The following RHOBTB1 variants were observed in gnomAD, a reference collection of about 807,000 sequenced individuals.
RHOBTB1 encodes the protein rho-related BTB domain-containing protein 1.
RHOBTB1 carries 40 observed loss-of-function variants against 71.6 expected under a neutral mutation model. That is an observed-to-expected ratio of 0.56 (90% CI 0.43 to 0.73). The LOEUF (loss-of-function observed/expected upper bound fraction) is 0.73. Ranked by LOEUF, RHOBTB1 falls within the 30% of genes least tolerant of loss-of-function variation. The pLI is 0.00. For synonymous variants in RHOBTB1, 319 were observed against 334.9 expected, an observed-to-expected ratio of 0.95 and a Z score of 0.52; for missense variants, 797 against 894.0, an observed-to-expected ratio of 0.89 and a Z score of 1.38.
At chr10:60,886,007 C>A in intron 7 of RHOBTB1, 105 bp downstream of exon 7, 1 of 798,920 alleles carries the variant, frequency 1.3e-6, no homozygotes, top group Non-Finnish European at 2.2e-6. Context: ...ACTCATGGAG[C>A]CAGTTTAAGG....
chr10:60,864,443 G>A (rs189582891), downstream of RHOBTB1, among the ~76,000 whole-genome samples: 144 of 152,160 alleles, frequency 9.5e-4, no homozygotes, highest in African/African-American at 3.4e-3. Flanking sequence ...TGAATAAAAC[G>A]GAAACATTTG....
At chr10:60,963,681 G>C (rs1033829971) in intron 2 of RHOBTB1, among the ~76,000 whole-genome samples, 2 of 152,078 alleles carry the variant, frequency 1.3e-5, no homozygotes, top group African/African-American at 2.4e-5. Context: ...TTTGTAAAAG[G>C]AGTAATGGTT....
intron 2 of RHOBTB1, among the ~76,000 whole-genome samples, chr10:60,977,541 G>T (rs566553152): frequency 3.9e-5 from 6 of 152,172 alleles, no homozygotes; most frequent in African/African-American, 1.4e-4. Flanking sequence ...CAAATGATAA[G>T]ATTTGTTTAC....
intron 2 of RHOBTB1, among the ~76,000 whole-genome samples, chr10:60,932,337 C>G (rs1208048183): frequency 6.6e-6 from 1 of 151,822 alleles, no homozygotes; most frequent in Non-Finnish European, 1.5e-5. Flanking sequence ...TGAGGTGTTT[C>G]AAACACACTG....
chr10:60,915,213 C>T (rs578127178), intron 2 of RHOBTB1, among the ~76,000 whole-genome samples: 1 of 152,300 alleles, frequency 6.6e-6, no homozygotes, highest in Admixed American at 6.5e-5. Flanking sequence ...TCCTTCTCCG[C>T]TTGTTATAGG....
chr10:60,864,124 C>A, the RHOBTB1 span, among the ~76,000 whole-genome samples: 1 of 152,160 alleles, frequency 6.6e-6, no homozygotes, highest in Non-Finnish European at 1.5e-5. Context: ...CCTGGCTTGG[C>A]TTCTCACCCT....
chr10:60,903,025 T>C (rs2393707), intron 4 of RHOBTB1, among the ~76,000 whole-genome samples: 1 of 152,120 alleles, frequency 6.6e-6, no homozygotes, highest in Non-Finnish European at 1.5e-5. Context: ...CGCAATACAG[T>C]TATTGCTACG....
chr10:60,875,031 C>G lies in RHOBTB1; in HGVS notation c.1738G>C (p.Val580Leu). 3 of 1,613,858 alleles carry G rather than the reference C, an allele frequency of 1.9e-6. No individual in the cohort carries two copies. Among genetic ancestry groups the G allele is most frequent in the Non-Finnish European group, 2.5e-6 (3 of 1,179,756 alleles). ...HLVALAEQHA[V>L]QELTKAATSG... is the part of the protein sequence containing the mutation. ...GTGGCGGCTTTGGTCAACTCCTGAA[C>G]GGCATGCTGTTCTGGGGAAGAGAGA... The change falls in exon 9 of 11, where the codon GTT (valine) becomes CTT (leucine). Residue 580 changes from valine (V) to leucine (L), a missense_variant. This residue lies in a region of RHOBTB1 where 658 missense variants were observed against 681.5 expected (regional missense o/e 0.97). Transcript: ENST00000337910.
At chr10:60,890,765 A>G (rs1439011107) in intron 5 of RHOBTB1, among the ~76,000 whole-genome samples, 2 of 152,248 alleles carry the variant, frequency 1.3e-5, no homozygotes, top group Admixed American at 1.3e-4. Context: ...GGAAAATTAT[A>G]GGGTGTTGAC....
At position 60,986,728 on chromosome 10, in the gene RHOBTB1, G is replaced by T. The variant is rs576942448; in HGVS notation, c.-162-783C>A. On this transcript the variant is annotated intron_variant, in intron 1 of 11. Transcript: ENST00000357917. ...TGACTACCTAATATAAAAACTGAAG[G>T]GCAAAACAGTACTTTTGCTTGGAGG... Among the ~76,000 whole-genome samples, 113 of 151,824 alleles carry T rather than the reference G, an allele frequency of 7.4e-4. 2 individuals carry two copies. The South Asian group carries it at 0.022, about 30-fold the overall frequency.
intron 2 of RHOBTB1, among the ~76,000 whole-genome samples, chr10:60,953,128 A>G (rs1007658270): frequency 2.6e-5 from 4 of 152,220 alleles, no homozygotes. Context: ...GCCCATTTCA[A>G]CAGATGGAGT....
intron 6 of RHOBTB1, among the ~76,000 whole-genome samples, chr10:60,886,763 GC>G (rs2081603885): frequency 6.6e-6 from 1 of 151,280 alleles, no homozygotes; most frequent in Non-Finnish European, 1.5e-5. Context: ...GATTTAAACT[GC>G]CGGGTTCCAG....
rs146921892 is a variant in RHOBTB1, at chr10:60,995,031, T to C, written c.-163+6368A>G. On this transcript the variant is annotated intron_variant, in intron 1 of 11. Transcript: ENST00000357917. ...ACATTGTACTCCATGGCTTGGAAAA[T>C]GGTTTAAACAACCCTGGCTGCGTAC... is the stretch of plus-strand genomic sequence containing the variant. 6.6e-3 allele frequency among the ~76,000 whole-genome samples: 999 copies of C among 151,992 alleles called. 12 individuals carry two copies. The highest frequency in any genetic ancestry group is 0.023 in the African/African-American group (943 of 41,494).
At chr10:60,992,341 A>G (rs1219579867) in intron 1 of RHOBTB1, among the ~76,000 whole-genome samples, 1 of 152,150 alleles carries the variant, frequency 6.6e-6, no homozygotes, top group East Asian at 1.9e-4. Flanking sequence ...TGAAGGTAGT[A>G]TTTTCCAATC....
Position 60,886,721 on chromosome 10 carries a change from G to T in RHOBTB1, c.1457-491C>A, listed in dbSNP as rs572873147. Among the ~76,000 whole-genome samples, 50 of 141,598 alleles carry T rather than the reference G, an allele frequency of 3.5e-4. No homozygotes were observed. The South Asian group carries it at 8.2e-3, about 23-fold the overall frequency. 92.9% of individuals were successfully genotyped at this position (141,598 alleles called of 152,430 possible). A position where few individuals can be genotyped will look rare whatever the true frequency, so the allele number is the denominator to read the frequency against. ...TACTGTTTTTTTTAAGAGATGTGGGGGGGGGTGGGTCTGGCTATGTTGTCC... is the reference window on the plus strand; with the variant it reads ...TACTGTTTTTTTTAAGAGATGTGGGTGGGGGTGGGTCTGGCTATGTTGTCC... On this transcript the variant is annotated intron_variant, in intron 6 of 10. Coordinates refer to ENST00000337910, the MANE Select transcript of RHOBTB1 (RefSeq NM_014836.5).
At chr10:60,896,096 G>A (rs78163559) in intron 4 of RHOBTB1, among the ~76,000 whole-genome samples, 9,634 of 152,236 alleles carry the variant, frequency 0.063, 396 homozygotes, top group African/African-American at 0.099. Flanking sequence ...CACAAGACCT[G>A]CAGCTAAGAA....
At chr10:60,881,452 C>T (rs2081325247) in intron 7 of RHOBTB1, among the ~76,000 whole-genome samples, 1 of 152,174 alleles carries the variant, frequency 6.6e-6, no homozygotes, top group South Asian at 2.1e-4. Flanking sequence ...AGTCCCAGAG[C>T]TTCCTGTTAA....
chr10:60,863,773 T>A, the RHOBTB1 span, among the ~76,000 whole-genome samples: 8 of 152,138 alleles, frequency 5.3e-5, no homozygotes, highest in Non-Finnish European at 2.9e-5. Flanking sequence ...CCTCAAGTGA[T>A]CCGCCCACCT....
At chr10:60,877,397 C>T (rs983354152) in intron 8 of RHOBTB1, among the ~76,000 whole-genome samples, 1 of 152,046 alleles carries the variant, frequency 6.6e-6, no homozygotes, top group East Asian at 1.9e-4. Context: ...TAATATTAGC[C>T]CCATTTTAAA....
Sources: gnomAD v4.1 joint callset for allele counts (sites outside exome capture counted in the v4.1 genomes callset) on GRCh38, gnomAD v4.1.1 for gene constraint, gnomAD v4.1.1 regional missense constraint, MANE v1.5 for transcripts, NCBI Gene and HGNC (gene_info 2026-07-23, HGNC 2026-07-21) for gene names.